DOCK9: variants seen among roughly 807,000 people sequenced by gnomAD.
The protein encoded by DOCK9 is dedicator of cytokinesis 9, also known as dedicator of cytokinesis protein 9.
DOCK9 carries 89 observed loss-of-function variants against 263.3 expected under a neutral mutation model. The ratio of observed to expected loss-of-function variants is 0.34; its 90% CI spans 0.28 to 0.40. The LOEUF is 0.40. Among genes scored for constraint, DOCK9 ranks in the 10% least tolerant of loss-of-function variants. DOCK9 has a pLI of 1.00. For synonymous variants in DOCK9, 976 were observed against 973.1 expected, an observed-to-expected ratio of 1.00 and a Z score of -0.06; for missense variants, 2,140 against 2,603.4, an observed-to-expected ratio of 0.82 and a Z score of 3.87.
chr13:98,924,145 G>A (rs577980731), intron 4 of DOCK9, among the ~76,000 whole-genome samples: 2 of 152,304 alleles, frequency 1.3e-5, no homozygotes, highest in South Asian at 4.1e-4. Flanking sequence ...CCAATGGGAA[G>A]AATTAAAAAA....
chr13:99,044,429 G>A (rs1434436985), intron 1 of DOCK9, among the ~76,000 whole-genome samples: 1 of 152,180 alleles, frequency 6.6e-6, no homozygotes, highest in Non-Finnish European at 1.5e-5. Flanking sequence ...TATAGCTGAA[G>A]TATTTCAGCT....
At chr13:98,804,555 C>T (rs2090472431) in intron 49 of DOCK9, among the ~76,000 whole-genome samples, 1 of 151,792 alleles carries the variant, frequency 6.6e-6, no homozygotes, top group Non-Finnish European at 1.5e-5. Context: ...GATCCAAGCT[C>T]ACATCCCATT....
chr13:98,809,614 A>G, intron 46 of DOCK9, 149 bp from the exon 47 acceptor site: 2 of 650,402 alleles, frequency 3.1e-6, no homozygotes, highest in Non-Finnish European at 5.2e-6. Context: ...TGTAGTGATC[A>G]TTAATGAATG....
chr13:98,956,928 T>C (rs1451701191), intron 1 of DOCK9, among the ~76,000 whole-genome samples: 1 of 152,216 alleles, frequency 6.6e-6, no homozygotes, highest in Non-Finnish European at 1.5e-5. Context: ...TTGGCAATTG[T>C]GACTGAGGCT....
intron 9 of DOCK9, among the ~76,000 whole-genome samples, chr13:98,905,512 G>T (rs564887046): frequency 2.6e-5 from 4 of 152,214 alleles, no homozygotes; most frequent in Non-Finnish European, 5.9e-5. Context: ...CTAGGAGAAG[G>T]CACAGCAGGT....
chr13:98,989,662 G>A (rs1308936351), intron 1 of DOCK9, among the ~76,000 whole-genome samples: 4 of 152,198 alleles, frequency 2.6e-5, no homozygotes, highest in Non-Finnish European at 5.9e-5. Flanking sequence ...GAGAGGTGGA[G>A]TGGGGTAGAG....
Position 98,801,428 on chromosome 13 carries a change from A to G in DOCK9, c.5726-950T>C, listed in dbSNP as rs558615520. Among the ~76,000 whole-genome samples, 4 of 152,332 alleles carry G rather than the reference A, an allele frequency of 2.6e-5. No homozygotes were observed. The East Asian group carries it at 5.8e-4, about 22-fold the overall frequency. On this transcript the variant is annotated intron_variant, in intron 49 of 52. Transcript: ENST00000682017. ...ATAAAGGTATTTTGAAACTTACAGC[A>G]ATGAATAAGAAATAAAAATAAAAAT...
chr13:98,835,233 C>T (rs559134230), intron 39 of DOCK9, among the ~76,000 whole-genome samples: 1 of 152,362 alleles, frequency 6.6e-6, no homozygotes, highest in Non-Finnish European at 1.5e-5. Context: ...CACAGAGCTA[C>T]ACCTGCTAAA....
intron 2 of DOCK9, among the ~76,000 whole-genome samples, chr13:98,932,287 C>T (rs149970656): frequency 0.012 from 1,890 of 152,060 alleles, 84 homozygotes; most frequent in Admixed American, 0.077. Context: ...CCCAGCTACT[C>T]GGGAGGCTGA....
intron 34 of DOCK9, among the ~76,000 whole-genome samples, chr13:98,855,521 G>C (rs2093686300): frequency 1.3e-5 from 2 of 151,982 alleles, no homozygotes; most frequent in African/African-American, 4.8e-5. Context: ...GCAGTGAATT[G>C]AGATCGTGCC....
chr13:98,958,866 G>A (rs770814142), intron 1 of DOCK9, among the ~76,000 whole-genome samples: 1 of 152,146 alleles, frequency 6.6e-6, no homozygotes, highest in Non-Finnish European at 1.5e-5. Context: ...TAAAATGTTT[G>A]ATAATAAAAA....
At chr13:98,824,115 T>C (rs2092420344) in intron 45 of DOCK9, among the ~76,000 whole-genome samples, 1 of 152,208 alleles carries the variant, frequency 6.6e-6, no homozygotes, top group Non-Finnish European at 1.5e-5. Context: ...ATGACCAATA[T>C]ATTGGAACTT....
At chr13:98,844,050 A>C (rs2093312680) in intron 38 of DOCK9, among the ~76,000 whole-genome samples, 1 of 152,248 alleles carries the variant, frequency 6.6e-6, no homozygotes, top group Non-Finnish European at 1.5e-5. Context: ...TTATCTGAGC[A>C]AAGGAGGTCC....
intron 35 of DOCK9, among the ~76,000 whole-genome samples, chr13:98,850,525 A>C (rs964747251): frequency 1.8e-5 from 2 of 113,428 alleles, no homozygotes; most frequent in African/African-American, 3.0e-5. Flanking sequence ...CATATTACAC[A>C]CATAATTTTG....
chr13:98,853,437 A>T lies in DOCK9; in HGVS notation c.3917T>A (p.Phe1306Tyr). ...AGACATGCTCTTTAAGATGTAGAGG[A>T]AACACATCAGTAGGCTCTTAATCTC... is the stretch of plus-strand genomic sequence containing the variant. ...QSEIKSLLMCFLYILKSMSDD... is the reference protein window; with the variant it reads ...QSEIKSLLMCYLYILKSMSDD... Residue 1306 changes from phenylalanine (F) to tyrosine (Y), a missense_variant, in exon 35 of 53, where the codon TTC becomes TAC. Physicochemically the swap from Phe to Tyr is conservative, Grantham distance 22 (BLOSUM62 3). Coordinates refer to ENST00000682017, the MANE Select transcript of DOCK9 (RefSeq NM_001366683.2). The T allele has an allele frequency of 6.2e-7, 1 of 1,612,662 alleles. No homozygotes were observed. The highest frequency in any genetic ancestry group is 8.5e-7 in the Non-Finnish European group (1 of 1,179,294).
chr13:99,013,877 CAG>C (rs1884953024), intron 1 of DOCK9, among the ~76,000 whole-genome samples: 1 of 152,166 alleles, frequency 6.6e-6, no homozygotes, highest in Non-Finnish European at 1.5e-5. Flanking sequence ...CTGCTGCGTG[CAG>C]AAGAGGTCCC....
In DOCK9 at chr13:98,969,109, G is replaced by A. The variant is rs139548193; in HGVS notation, c.126+8675C>T. Among the ~76,000 whole-genome samples the A allele has an allele frequency of 7.4e-4, 112 of 152,304 alleles. 1 individual carries two copies. The highest frequency in any genetic ancestry group is 2.6e-3 in the African/African-American group (108 of 41,554). On this transcript the variant is annotated intron_variant, in intron 1 of 52. Coordinates refer to ENST00000682017, the MANE Select transcript of DOCK9 (RefSeq NM_001366683.2). ...GGGGTGCTGGCTAAGAGAGGAACAG[G>A]AAGGGGTTTGACTCTGGGAACCTAT...
intron 45 of DOCK9, among the ~76,000 whole-genome samples, chr13:98,819,895 C>T (rs1340852301): frequency 2.6e-5 from 4 of 152,176 alleles, no homozygotes; most frequent in South Asian, 2.1e-4. Context: ...ACAATTTTGA[C>T]GAATAGAAGC....
chr13:99,047,415 G>A (rs943792721), intron 1 of DOCK9, among the ~76,000 whole-genome samples: 4 of 152,024 alleles, frequency 2.6e-5, no homozygotes, highest in African/African-American at 9.7e-5. Flanking sequence ...TAAACATTCT[G>A]GGGCCTAAGA....
Sources: gnomAD v4.1 joint callset for allele counts (sites outside exome capture counted in the v4.1 genomes callset) on GRCh38, gnomAD v4.1.1 for gene constraint, MANE v1.5 for transcripts, NCBI Gene and HGNC (gene_info 2026-07-23, HGNC 2026-07-21) for gene names.